The following R3HDM2 variants were observed in gnomAD, a reference collection of about 807,000 sequenced individuals.
R3HDM2 encodes the protein R3H domain-containing protein 2.
Under a neutral mutation model 124.5 loss-of-function variants are expected in R3HDM2, and 38 were observed. That is an observed-to-expected ratio of 0.31 (90% confidence interval 0.24 to 0.40). The LOEUF (loss-of-function observed/expected upper bound fraction) is 0.40, where lower values mean the gene tolerates loss of function less well. Ranked by LOEUF, R3HDM2 falls within the 10% of genes least tolerant of loss-of-function variation. The probability of loss-of-function intolerance (pLI) is 1.00; values close to 1 mark genes in which losing one functional copy is unlikely to be tolerated. For synonymous variants in R3HDM2, 391 were observed against 448.0 expected (o/e 0.87, Z 1.61); for missense variants, 869 against 1,236.9 (o/e 0.70, Z 4.46).
chr12:57,377,151 T>C (rs1594164303), intron 2 of R3HDM2, among the ~76,000 whole-genome samples: 1 of 146,588 alleles, frequency 6.8e-6, no homozygotes, highest in African/African-American at 2.5e-5. Context: ...AAATATGGAA[T>C]GTGGGCTTCC....
intron 2 of R3HDM2, among the ~76,000 whole-genome samples, chr12:57,358,175 T>C (rs1160675659): frequency 1.3e-5 from 2 of 151,598 alleles, no homozygotes; most frequent in Admixed American, 6.6e-5. Context: ...TTAGTAGATA[T>C]GGGGTTTTGC....
intron 2 of R3HDM2, among the ~76,000 whole-genome samples, chr12:57,319,251 G>A (rs2055853957): frequency 6.6e-6 from 1 of 152,094 alleles, no homozygotes; most frequent in African/African-American, 2.4e-5. Context: ...GGCCAGGCTG[G>A]TCTCGAACTC....
In R3HDM2 at chr12:57,320,654, G is replaced by T. The variant is rs540782471; in HGVS notation, c.-35-10191C>A. On this transcript the variant is annotated intron_variant, in intron 2 of 23. Coordinates refer to ENST00000402412, the MANE Select transcript of R3HDM2 (RefSeq NM_001394031.1). ...GAAGAAATAGGATAATACAGGGGAA[G>T]ATTATTGGAAGCCAAGATTCACCTA... Among the ~76,000 whole-genome samples the T allele has an allele frequency of 7.9e-4, 121 of 152,252 alleles. 1 individual carries two copies. Among genetic ancestry groups the T allele is most frequent in the African/African-American group, 2.7e-3 (114 of 41,568 alleles).
intron 1 of R3HDM2, among the ~76,000 whole-genome samples, chr12:57,397,360 C>A (rs542957969): frequency 6.6e-6 from 1 of 152,242 alleles, no homozygotes; most frequent in Admixed American, 6.5e-5. Flanking sequence ...TTCTTGGAAG[C>A]CTTCAAAACA....
intron 2 of R3HDM2, among the ~76,000 whole-genome samples, chr12:57,314,888 G>A (rs892658451): frequency 1.3e-5 from 2 of 151,980 alleles, no homozygotes; most frequent in East Asian, 3.8e-4. Context: ...TTTGAGACAG[G>A]GTTTCACTCT....
At chr12:57,300,567 G>A (rs74711402) in intron 4 of R3HDM2, among the ~76,000 whole-genome samples, 36 of 152,230 alleles carry the variant, frequency 2.4e-4, no homozygotes, top group African/African-American at 7.7e-4. Context: ...TTCAACTCCT[G>A]GTTTTGTACT....
rs57587261 is a variant in R3HDM2 at position 57,423,808 on chromosome 12, T to TAA, written c.-106+6910_-106+6911dup. ...GGCAACAGAGCAAGACTGTCTCAAT[T>TAA]AAAAAAAAAAAAAAAAAAAAAAAAG... On this transcript the variant is annotated intron_variant, in intron 1 of 23. Coordinates refer to ENST00000402412, the MANE Select transcript of R3HDM2 (RefSeq NM_001394031.1). Among the ~76,000 whole-genome samples the TAA allele has an allele frequency of 0.013, 668 of 51,426 alleles. 50 individuals carry two copies. The Admixed American group carries it at 0.13, about 10-fold the overall frequency. 33.7% of individuals were successfully genotyped at this position (51,426 alleles called of 152,430 possible). A position where few individuals can be genotyped will look rare whatever the true frequency, so the allele number is the denominator to read the frequency against.
At chr12:57,266,106 CTTT>C (rs74991749) in intron 19 of R3HDM2, among the ~76,000 whole-genome samples, 4 of 111,138 alleles carry the variant, frequency 3.6e-5, no homozygotes, top group Admixed American at 9.4e-5. Flanking sequence ...CATAATTTTT[CTTT>C]TTTTTTTTTT....
chr12:57,286,836 C>A (rs1235732364), intron 12 of R3HDM2, among the ~76,000 whole-genome samples: 1 of 152,090 alleles, frequency 6.6e-6, no homozygotes, highest in Non-Finnish European at 1.5e-5. Context: ...CGAGATCATG[C>A]CATTGCACTC....
At chr12:57,354,915 C>T (rs377731616) in intron 2 of R3HDM2, among the ~76,000 whole-genome samples, 1 of 152,064 alleles carries the variant, frequency 6.6e-6, no homozygotes, top group African/African-American at 2.4e-5. Context: ...GCCTCGACCT[C>T]TCAGACTCAA....
chr12:57,284,022 TGCTTGAGGTGCG>T lies in R3HDM2; in HGVS notation c.961_972del (p.Arg321_Ser324del), dbSNP rs1349573762. ...TCGCTGTCTGTGCTGCTCTGGCGGC[TGCTTGAGGTGCG>T]GCTCAGTCCTTCACGGTTCCCCCTG... On this transcript the variant is annotated inframe_deletion, in exon 13 of 24. Transcript: ENST00000402412. 6.2e-7 allele frequency: 1 copy of T among 1,611,336 alleles called. No individual in the cohort carries two copies. The highest frequency in any genetic ancestry group is 1.7e-5 in the Admixed American group (1 of 59,140).
intron 1 of R3HDM2, among the ~76,000 whole-genome samples, chr12:57,429,081 T>A (rs1353745703): frequency 1.3e-5 from 2 of 152,126 alleles, no homozygotes; most frequent in African/African-American, 4.8e-5. Context: ...CAAATTTTTT[T>A]AAAACTTTAC....
intron 1 of R3HDM2, among the ~76,000 whole-genome samples, chr12:57,428,931 G>C (rs1162872827): frequency 2.0e-5 from 3 of 151,978 alleles, no homozygotes; most frequent in Admixed American, 6.6e-5. Flanking sequence ...ATTTTTAGTA[G>C]AGACGGGGTT....
At chr12:57,398,252 C>T (rs1045256092) in intron 1 of R3HDM2, among the ~76,000 whole-genome samples, 1 of 151,836 alleles carries the variant, frequency 6.6e-6, no homozygotes. Flanking sequence ...TTACCTTGTT[C>T]GTATCTGTAC....
intron 11 of R3HDM2, 131 bp from the exon 12 acceptor site, chr12:57,289,171 G>T (rs1291956052): frequency 7.1e-6 from 6 of 850,034 alleles, no homozygotes; most frequent in Middle Eastern, 3.2e-4. Flanking sequence ...GGGAGAGAGG[G>T]GCCAGGGACA....
chr12:57,303,934 C>T (rs2051917040), intron 3 of R3HDM2, among the ~76,000 whole-genome samples: 1 of 152,172 alleles, frequency 6.6e-6, no homozygotes, highest in Non-Finnish European at 1.5e-5. Context: ...GTCACTACCA[C>T]AGCATGAAAG....
At chr12:57,312,305 ATTT>A (rs201583405) in intron 2 of R3HDM2, among the ~76,000 whole-genome samples, 14 of 133,074 alleles carry the variant, frequency 1.1e-4, no homozygotes, top group African/African-American at 8.3e-5. Context: ...CTGCTTTGTG[ATTT>A]TTTTTTTTTT....
chr12:57,427,584 T>A (rs11172210), intron 1 of R3HDM2, among the ~76,000 whole-genome samples: 147,403 of 151,452 alleles, frequency 0.97, 71,864 homozygotes, highest in Middle Eastern at 1. Flanking sequence ...TTCTAACCTC[T>A]GGTGATGCCC....
intron 2 of R3HDM2, among the ~76,000 whole-genome samples, chr12:57,379,050 A>G (rs1274562543): frequency 6.6e-6 from 1 of 152,186 alleles, no homozygotes; most frequent in Non-Finnish European, 1.5e-5. Flanking sequence ...GGTACTTGCC[A>G]GGGCTGGGGG....
Sources: gnomAD v4.1 joint callset for allele counts (sites outside exome capture counted in the v4.1 genomes callset) on GRCh38, gnomAD v4.1.1 for gene constraint, MANE v1.5 for transcripts, NCBI Gene and HGNC (gene_info 2026-07-23, HGNC 2026-07-21) for gene names.